The following DENND1B variants were observed in gnomAD, a reference collection of about 807,000 sequenced individuals.
DENND1B encodes the protein DENN domain-containing protein 1B.
A neutral mutation model predicts 90.1 loss-of-function variants in DENND1B; 59 were observed. That is an observed-to-expected ratio of 0.65 (90% CI 0.53 to 0.81). The LOEUF (loss-of-function observed/expected upper bound fraction) is 0.81. Among genes scored for constraint, DENND1B ranks in the 40% least tolerant of loss-of-function variants. The pLI is 0.00. For missense variants in DENND1B, 862 were observed against 912.6 expected (o/e 0.94, Z 0.71); for synonymous variants, 337 against 324.6 (o/e 1.04, Z -0.41).
intron 14 of DENND1B, among the ~76,000 whole-genome samples, chr1:197,593,679 T>C (rs1675438639): frequency 6.6e-6 from 1 of 152,104 alleles, no homozygotes; most frequent in Non-Finnish European, 1.5e-5. Flanking sequence ...ACTGATAGTT[T>C]AAATCATTTT....
chr1:197,630,026 G>A (rs941397291), intron 10 of DENND1B, among the ~76,000 whole-genome samples: 76 of 152,096 alleles, frequency 5.0e-4, no homozygotes, highest in African/African-American at 1.8e-3. Flanking sequence ...TATTAGAATG[G>A]CCAAAATCCA....
chr1:197,644,395 T>C (rs1680548604), intron 9 of DENND1B, among the ~76,000 whole-genome samples: 1 of 152,258 alleles, frequency 6.6e-6, no homozygotes, highest in South Asian at 2.1e-4. Context: ...TAATCATCTT[T>C]TTTAAAATGT....
At position 197,706,871 on chromosome 1, in the gene DENND1B, T is replaced by A. The variant is rs533229558; in HGVS notation, c.126+8160A>T. ...AATTATATAAAAAATAGTATGGAAG[T>A]TCCTCAAAAAACTAAAAACAGAACT... On this transcript the variant is annotated intron_variant, in intron 3 of 22. Transcript: ENST00000620048. Among the ~76,000 whole-genome samples the A allele has an allele frequency of 2.0e-5, 3 of 152,166 alleles. No homozygotes were observed. The South Asian group carries it at 6.2e-4, about 32-fold the overall frequency.
intron 3 of DENND1B, among the ~76,000 whole-genome samples, chr1:197,675,899 T>A (rs1656011221): frequency 1.3e-5 from 2 of 152,102 alleles, no homozygotes; most frequent in South Asian, 4.2e-4. Flanking sequence ...AGTTGCTCAA[T>A]CTTTCACACC....
intron 15 of DENND1B, among the ~76,000 whole-genome samples, chr1:197,556,307 G>T (rs1671711401): frequency 2.0e-5 from 3 of 151,890 alleles, no homozygotes. Context: ...TCAGCATCAT[G>T]CAACATACCC....
intron 5 of DENND1B, 125 bp from the exon 6 acceptor site, chr1:197,658,494 ATTTTC>A (rs1037730153): frequency 4.6e-5 from 27 of 583,546 alleles, no homozygotes; most frequent in Admixed American, 9.7e-5. Flanking sequence ...AACTATACCC[ATTTTC>A]TTTACTTTTT....
intron 3 of DENND1B, among the ~76,000 whole-genome samples, chr1:197,697,300 AC>A (rs542964948): frequency 2.1e-4 from 32 of 151,738 alleles, no homozygotes; most frequent in South Asian, 8.3e-4. Flanking sequence ...TAGGATTCAA[AC>A]TCATGTCTAT....
At chr1:197,773,337 T>A (rs888497841) in intron 1 of DENND1B, among the ~76,000 whole-genome samples, 7 of 152,222 alleles carry the variant, frequency 4.6e-5, no homozygotes. Flanking sequence ...TAAGTGTCAT[T>A]ATACCCTGCC....
intron 11 of DENND1B, among the ~76,000 whole-genome samples, chr1:197,612,207 A>C (rs1217760596): frequency 6.6e-6 from 1 of 150,676 alleles, no homozygotes; most frequent in Non-Finnish European, 1.5e-5. Flanking sequence ...AATCATTTAT[A>C]ATTTAATCAA....
intron 3 of DENND1B, among the ~76,000 whole-genome samples, chr1:197,697,944 A>G (rs983911603): frequency 3.9e-5 from 6 of 152,084 alleles, no homozygotes; most frequent in Non-Finnish European, 7.4e-5. Context: ...CTACAAAGAG[A>G]CTTAGACTCC....
At chr1:197,714,337 A>G (rs893148875) in intron 3 of DENND1B, among the ~76,000 whole-genome samples, 1 of 152,142 alleles carries the variant, frequency 6.6e-6, no homozygotes, top group African/African-American at 2.4e-5. Flanking sequence ...TTTACCATAT[A>G]TTACATATAA....
At chr1:197,672,694 A>G (rs559163971) in intron 4 of DENND1B, among the ~76,000 whole-genome samples, 147 of 152,132 alleles carry the variant, frequency 9.7e-4, no homozygotes, top group African/African-American at 3.3e-3. Flanking sequence ...ATTCTCTTGT[A>G]CAGCTATCAA....
chr1:197,657,172 C>T (rs1323827617), intron 6 of DENND1B, among the ~76,000 whole-genome samples: 2 of 152,108 alleles, frequency 1.3e-5, no homozygotes, highest in African/African-American at 4.8e-5. Context: ...AATCATCTAT[C>T]TAATAAGAAA....
chr1:197,537,695 T>C lies in DENND1B; in HGVS notation c.1515+2269A>G, dbSNP rs530421702. On this transcript the variant is annotated intron_variant, in intron 20 of 22. Coordinates refer to ENST00000620048, the MANE Select transcript of DENND1B (RefSeq NM_001195215.2). ...ATATATATAATAAAAAAAGAAATTGTCTCTAGAAGTTAACAGAAAACAAAA... is the reference window on the plus strand; with the variant it reads ...ATATATATAATAAAAAAAGAAATTGCCTCTAGAAGTTAACAGAAAACAAAA... 5.0e-4 allele frequency among the ~76,000 whole-genome samples: 76 copies of C among 152,094 alleles called. 1 individual carries two copies. In the South Asian group the frequency reaches 0.015, roughly 30 times the overall value.
At chr1:197,640,764 TTCAC>T (rs1315373179) in intron 10 of DENND1B, among the ~76,000 whole-genome samples, 7 of 152,194 alleles carry the variant, frequency 4.6e-5, no homozygotes, top group African/African-American at 1.7e-4. Context: ...TAGCTTATGC[TTCAC>T]TCACATAGCT....
chr1:197,764,960 A>G (rs1042808749), intron 2 of DENND1B, among the ~76,000 whole-genome samples: 15 of 152,294 alleles, frequency 9.8e-5, no homozygotes, highest in Admixed American at 6.5e-4. Context: ...GGCACCTACA[A>G]GGTGACAGCA....
Position 197,607,144 on chromosome 1 carries a change from C to G in DENND1B, c.850G>C (p.Val284Leu). Residue 284 changes from valine (V) to leucine (L), a missense_variant, in exon 13 of 23, where the codon GTT (valine) becomes CTT (leucine). Physicochemically the swap from Val to Leu is conservative, Grantham distance 32. Transcript: ENST00000620048. ...GTGTTTGTATCAACATTTAACATAA[C>G]AACATCTTCCAATGATTTGTTTTTC... is the stretch of plus-strand genomic sequence containing the variant. ...RVKNKSLEDVVMLNVDTNTLE... is the reference protein window; with the variant it reads ...RVKNKSLEDVLMLNVDTNTLE... 1 of 1,593,570 alleles carries G rather than the reference C, an allele frequency of 6.3e-7. No individual in the cohort carries two copies. Among genetic ancestry groups the G allele is most frequent in the South Asian group, 1.1e-5 (1 of 89,494 alleles).
At chr1:197,769,699 T>C (rs955923572) in intron 2 of DENND1B, among the ~76,000 whole-genome samples, 3 of 152,176 alleles carry the variant, frequency 2.0e-5, no homozygotes, top group Non-Finnish European at 2.9e-5. Flanking sequence ...AATTTATACA[T>C]TTTGTTTTCC....
chr1:197,631,725 T>C lies in DENND1B; in HGVS notation c.672+10986A>G, dbSNP rs141317773. On this transcript the variant is annotated intron_variant, in intron 10 of 22. Coordinates refer to ENST00000620048, the MANE Select transcript of DENND1B (RefSeq NM_001195215.2). ...AATTAAATAAGAATAAACAATTATA[T>C]ATATTTTAATGTTAAAATTACTATA... Among the ~76,000 whole-genome samples the C allele has an allele frequency of 6.8e-4, 104 of 151,850 alleles. No homozygotes were observed. The East Asian group carries it at 0.02, about 29-fold the overall frequency.
Sources: gnomAD v4.1 joint callset for allele counts (sites outside exome capture counted in the v4.1 genomes callset) on GRCh38, gnomAD v4.1.1 for gene constraint, MANE v1.5 for transcripts, NCBI Gene and HGNC (gene_info 2026-07-23, HGNC 2026-07-21) for gene names.